The following TLL1 variants were observed in gnomAD, a reference collection of about 807,000 sequenced individuals.
TLL1 encodes the protein tolloid-like protein 1.
A neutral mutation model predicts 128.2 loss-of-function variants in TLL1; 49 were observed. The observed-to-expected ratio is 0.38, with a 90% CI of 0.30 to 0.48. TLL1 has a LOEUF of 0.48. Ranked by LOEUF, TLL1 falls within the 20% of genes least tolerant of loss-of-function variation. The probability of loss-of-function intolerance (pLI) is 0.96; values close to 1 mark genes in which losing one functional copy is unlikely to be tolerated. For synonymous variants in TLL1, 454 were observed against 418.8 expected, an observed-to-expected ratio of 1.08 and a Z score of -1.03; for missense variants, 1,123 against 1,242.0, an observed-to-expected ratio of 0.90 and a Z score of 1.44.
intron 1 of TLL1, among the ~76,000 whole-genome samples, chr4:165,933,069 G>A (rs1301974589): frequency 6.6e-6 from 1 of 152,170 alleles, no homozygotes; most frequent in Non-Finnish European, 1.5e-5. Context: ...TACTATATGT[G>A]CAAAACCAAT....
intron 3 of TLL1, among the ~76,000 whole-genome samples, 197 bp downstream of exon 3, chr4:165,993,081 CTTTAA>C (rs1246996292): frequency 3.3e-5 from 5 of 151,974 alleles, no homozygotes; most frequent in African/African-American, 1.2e-4. Context: ...TGAAATGTTC[CTTTAA>C]TTTATTTTAA....
At chr4:166,063,723 G>T (rs1187502797) in intron 15 of TLL1, among the ~76,000 whole-genome samples, 1 of 152,040 alleles carries the variant, frequency 6.6e-6, no homozygotes, top group Non-Finnish European at 1.5e-5. Context: ...CCATCATTCT[G>T]AGCAAACTAT....
rs753133420 is a variant in TLL1 at position 166,008,010 on chromosome 4, C to T, written c.879C>T (p.Phe293=). Residue 293 remains phenylalanine (F), a synonymous_variant, in exon 7 of 21, where the codon TTC becomes TTT. Coordinates refer to ENST00000061240, the MANE Select transcript of TLL1 (RefSeq NM_012464.5). ...ACTCACTTGGAGAAAGATATGATTTCGACAGTATCATGCACTATGCCAGGA... is the reference window on the plus strand; with the variant it reads ...ACTCACTTGGAGAAAGATATGATTTTGACAGTATCATGCACTATGCCAGGA... ...EVNSLGERYD[F]DSIMHYARNT... 1.1e-5 allele frequency: 18 copies of T among 1,609,650 alleles called. No homozygotes were observed. In the Middle Eastern group the frequency reaches 5.0e-4, roughly 44 times the overall value.
chr4:165,961,624 A>T (rs1735109304), intron 1 of TLL1, among the ~76,000 whole-genome samples: 2 of 152,178 alleles, frequency 1.3e-5, no homozygotes, highest in Admixed American at 1.3e-4. Context: ...AAACAGACAC[A>T]AAGACCAGTG....
chr4:165,919,724 G>A (rs1732958251), intron 1 of TLL1: 3 of 437,908 alleles, frequency 6.9e-6, no homozygotes, highest in Non-Finnish European at 1.4e-5. Context: ...GCGGGATAAT[G>A]TTGTAGTCTG....
rs184245905 is a variant in TLL1, at chr4:165,992,766, A to G, written c.281-38A>G. ...GTTTTTTATTTGCAAGAACTTTAAC[A>G]TATTTTGAGTTTAACTTGTTTCCTT... is the stretch of plus-strand genomic sequence containing the variant. On this transcript the variant is annotated intron_variant, in intron 2 of 20. Coordinates refer to ENST00000061240, the MANE Select transcript of TLL1 (RefSeq NM_012464.5). The G allele has an allele frequency of 6.3e-4, 997 of 1,579,140 alleles. 7 individuals are homozygous for G. Among genetic ancestry groups the G allele is most frequent in the Middle Eastern group, 4.7e-3 (28 of 5,980 alleles).
At chr4:166,015,154 A>C (rs1326354235) in intron 8 of TLL1, among the ~76,000 whole-genome samples, 1 of 152,032 alleles carries the variant, frequency 6.6e-6, no homozygotes, top group East Asian at 1.9e-4. Flanking sequence ...CCAAGAAAGA[A>C]AAAGATTCTG....
chr4:165,876,508 C>T (rs2322443), intron 1 of TLL1, among the ~76,000 whole-genome samples: 84,960 of 152,066 alleles, frequency 0.56, 25,337 homozygotes, highest in East Asian at 0.87. Flanking sequence ...TTTCTGAGCT[C>T]CTCTAATAGG....
chr4:165,922,739 A>T (rs999382884), intron 1 of TLL1, among the ~76,000 whole-genome samples: 2 of 152,228 alleles, frequency 1.3e-5, no homozygotes. Flanking sequence ...AAACCAGAAT[A>T]TTCAGAAATT....
At chr4:165,890,465 A>T (rs1312495165) in intron 1 of TLL1, among the ~76,000 whole-genome samples, 1 of 152,224 alleles carries the variant, frequency 6.6e-6, no homozygotes, top group African/African-American at 2.4e-5. Flanking sequence ...TACTTCCTAA[A>T]TATGGTGAGG....
At chr4:166,085,259 T>G (rs1016714352) in intron 18 of TLL1, among the ~76,000 whole-genome samples, 1 of 151,918 alleles carries the variant, frequency 6.6e-6, no homozygotes, top group African/African-American at 2.4e-5. Flanking sequence ...TTTTTCAATT[T>G]GGATGCCTTT....
chr4:165,997,651 A>G (rs1736945563), intron 5 of TLL1, among the ~76,000 whole-genome samples: 1 of 152,214 alleles, frequency 6.6e-6, no homozygotes, highest in Non-Finnish European at 1.5e-5. Flanking sequence ...TACTATAGTC[A>G]GCTCTTATTC....
At chr4:165,988,908 T>C (rs142424303) in intron 1 of TLL1, among the ~76,000 whole-genome samples, 3 of 152,248 alleles carry the variant, frequency 2.0e-5, no homozygotes, top group Admixed American at 6.6e-5. Context: ...CACTAGGTAT[T>C]CTTTTGTCTT....
chr4:165,881,258 A>G (rs550231924), intron 1 of TLL1, among the ~76,000 whole-genome samples: 1 of 152,330 alleles, frequency 6.6e-6, no homozygotes, highest in African/African-American at 2.4e-5. Context: ...TCGCATATCT[A>G]GGAAGTCTCT....
chr4:166,064,719 A>G (rs751814613), intron 15 of TLL1, among the ~76,000 whole-genome samples: 11 of 152,124 alleles, frequency 7.2e-5, no homozygotes, highest in Non-Finnish European at 1.6e-4. Flanking sequence ...AGCCTCGGAA[A>G]CAGTCTTTTA....
At chr4:166,100,508 C>T (rs1398923329) in intron 20 of TLL1, among the ~76,000 whole-genome samples, 1 of 152,052 alleles carries the variant, frequency 6.6e-6, no homozygotes, top group Non-Finnish European at 1.5e-5. Flanking sequence ...AACGTATGTT[C>T]AGAGCTCAGC....
chr4:166,078,506 T>G (rs1021615815), intron 18 of TLL1, among the ~76,000 whole-genome samples: 1 of 152,196 alleles, frequency 6.6e-6, no homozygotes, highest in Non-Finnish European at 1.5e-5. Flanking sequence ...TTTTGCATGA[T>G]GTATTGCCCT....
intron 10 of TLL1, among the ~76,000 whole-genome samples, chr4:166,041,304 CTTTT>C (rs754411284): frequency 9.6e-5 from 5 of 52,230 alleles, no homozygotes; most frequent in African/African-American, 5.0e-4. Flanking sequence ...TTCTTTCTTT[CTTTT>C]TTTTTTTTTT....
intron 18 of TLL1, among the ~76,000 whole-genome samples, chr4:166,084,764 C>T (rs537617897): frequency 2.6e-5 from 4 of 152,134 alleles, no homozygotes; most frequent in South Asian, 2.1e-4. Flanking sequence ...GCCAGTATTA[C>T]GCTGTTTCGG....
Sources: gnomAD v4.1 joint callset for allele counts (sites outside exome capture counted in the v4.1 genomes callset) on GRCh38, gnomAD v4.1.1 for gene constraint, MANE v1.5 for transcripts, NCBI Gene and HGNC (gene_info 2026-07-23, HGNC 2026-07-21) for gene names.